Variants in HS6ST2 observed in about 807,000 individuals in gnomAD.
The protein encoded by HS6ST2 is heparan-sulfate 6-O-sulfotransferase 2.
HS6ST2 carries 17 observed loss-of-function variants against 33.0 expected under a neutral mutation model. The observed-to-expected ratio is 0.52, with a 90% CI of 0.35 to 0.77. The LOEUF (loss-of-function observed/expected upper bound fraction) is 0.77. Ranked by LOEUF, HS6ST2 falls within the 30% of genes least tolerant of loss-of-function variation. HS6ST2 has a pLI of 0.01. For synonymous variants in HS6ST2, 248 were observed against 237.1 expected (o/e 1.05, Z -0.42); for missense variants, 519 against 551.7 (o/e 0.94, Z 0.59).
intron 4 of HS6ST2, among the ~76,000 whole-genome samples, chrX:132,629,326 T>C (rs1386412533): frequency 2.7e-5 from 3 of 111,821 alleles, no homozygotes; most frequent in African/African-American, 9.8e-5. Context: ...CTAAAACAGG[T>C]ATGAAAAGGT....
rs867483808 is a variant in HS6ST2, at chrX:132,637,961, A to T, written c.1068-8868T>A. On this transcript the variant is annotated intron_variant, in intron 4 of 4. Coordinates refer to ENST00000370833, the MANE Select transcript of HS6ST2 (RefSeq NM_001394073.1). Reference sequence around the variant, plus strand: ...TAATATTTTATATATAATATATATAAAATATTTTATATATATATATAAAAG... The same window carrying T: ...TAATATTTTATATATAATATATATATAATATTTTATATATATATATAAAAG... 8.2e-4 allele frequency among the ~76,000 whole-genome samples: 51 copies of T among 61,960 alleles called. 1 individual carries two copies. Among genetic ancestry groups the T allele is most frequent in the African/African-American group, 9.3e-4 (16 of 17,283 alleles). The allele number at this position is 61,960 out of a possible 115,157, so 53.8% of individuals were successfully genotyped here. A position where few individuals can be genotyped will look rare whatever the true frequency, so the allele number is the denominator to read the frequency against.
In HS6ST2 at chrX:132,666,809, A is replaced by T. The variant is rs559467731; in HGVS notation, c.1067+2304T>A. ...CTCAAAATAACATAGGGAAATTCTT[A>T]AAAACTGCTCTATATCCTATTGTCA... On this transcript the variant is annotated intron_variant, in intron 4 of 4. Coordinates refer to ENST00000370833, the MANE Select transcript of HS6ST2 (RefSeq NM_001394073.1). Among the ~76,000 whole-genome samples the T allele has an allele frequency of 5.0e-4, 56 of 111,807 alleles. No individual in the cohort carries two copies. In the South Asian group the frequency reaches 0.02, roughly 41 times the overall value.
In HS6ST2 at chrX:132,828,715, C is replaced by T. The variant is rs1442529144; in HGVS notation, c.948-120221G>A. 2.6e-3 allele frequency among the ~76,000 whole-genome samples: 176 copies of T among 67,938 alleles called. 4 individuals are homozygous for T. Among genetic ancestry groups the T allele is most frequent in the African/African-American group, 5.3e-3 (80 of 15,145 alleles). 59.0% of individuals were successfully genotyped at this position (67,938 alleles called of 115,157 possible). A position where few individuals can be genotyped will look rare whatever the true frequency, so the allele number is the denominator to read the frequency against. On this transcript the variant is annotated intron_variant, in intron 2 of 4. Transcript: ENST00000370833. ...ATATACACACACACACACACACACA[C>T]ACACACACACACACACACACACATA...
At chrX:132,812,414 T>TAAC (rs749205902) in intron 2 of HS6ST2, among the ~76,000 whole-genome samples, 3,257 of 78,245 alleles carry the variant, frequency 0.042, 129 homozygotes, top group African/African-American at 0.11. Context: ...CAAATAATAA[T>TAAC]AATAATAATA....
At chrX:132,855,075 G>C (rs2065840082) in intron 2 of HS6ST2, among the ~76,000 whole-genome samples, 1 of 112,226 alleles carries the variant, frequency 8.9e-6, no homozygotes, top group Admixed American at 9.4e-5. Flanking sequence ...TGTGGGAAAA[G>C]TTCAACCCCC....
intron 2 of HS6ST2, among the ~76,000 whole-genome samples, chrX:132,819,970 C>T (rs969267887): frequency 1.8e-5 from 2 of 112,191 alleles, no homozygotes; most frequent in East Asian, 2.8e-4. Flanking sequence ...GTCACGCCAC[C>T]GTATTTCTTC....
chrX:132,883,676 G>A (rs2066211059), intron 2 of HS6ST2, among the ~76,000 whole-genome samples: 1 of 110,949 alleles, frequency 9.0e-6, no homozygotes, highest in Admixed American at 9.7e-5. Flanking sequence ...ACCAGATAAG[G>A]ACATAGGCAT....
chrX:132,637,950 TA>T (rs1164246695), intron 4 of HS6ST2, among the ~76,000 whole-genome samples: 5 of 73,187 alleles, frequency 6.8e-5, no homozygotes, highest in South Asian at 5.5e-4. Flanking sequence ...ATTTTATATA[TA>T]ATATATATAA....
intron 2 of HS6ST2, among the ~76,000 whole-genome samples, chrX:132,891,627 C>T (rs1281480357): frequency 6.3e-5 from 7 of 110,428 alleles, no homozygotes; most frequent in Non-Finnish European, 1.3e-4. Context: ...TGAGTGAGAA[C>T]ATGCGGTGTT....
At chrX:132,702,688 T>C (rs1328380921) in intron 3 of HS6ST2, among the ~76,000 whole-genome samples, 1 of 111,976 alleles carries the variant, frequency 8.9e-6, no homozygotes, top group Non-Finnish European at 1.9e-5. Context: ...CTGATCACTC[T>C]CCAACTGTCT....
intron 2 of HS6ST2, among the ~76,000 whole-genome samples, chrX:132,769,436 C>T (rs779710348): frequency 4.5e-5 from 5 of 111,872 alleles, no homozygotes; most frequent in African/African-American, 9.7e-5. Context: ...CACACATCAC[C>T]GAAATAGACC....
intron 2 of HS6ST2, among the ~76,000 whole-genome samples, chrX:132,805,406 C>CAGGGCTCATGCTTATAGGGACTTATTT (rs1569492973): frequency 9.1e-6 from 1 of 110,487 alleles, no homozygotes; most frequent in Admixed American, 9.6e-5. Context: ...AAGATCTGGC[C>CAGGGCTCATGCTTATAGGGACTTATTT]CAACAGCTCC....
At chrX:132,825,457 T>TG (rs1386963885) in intron 2 of HS6ST2, among the ~76,000 whole-genome samples, 1 of 111,377 alleles carries the variant, frequency 9.0e-6, no homozygotes, top group East Asian at 2.8e-4. Context: ...TCAATAGGGC[T>TG]GGGGGGCGTC....
At chrX:132,889,430 G>T (rs2066284777) in intron 2 of HS6ST2, among the ~76,000 whole-genome samples, 1 of 111,027 alleles carries the variant, frequency 9.0e-6, no homozygotes, top group Admixed American at 9.7e-5. Context: ...AAGGGGGGAA[G>T]TGGCTGAAAG....
intron 3 of HS6ST2, among the ~76,000 whole-genome samples, chrX:132,707,617 A>T (rs2064197353): frequency 1.8e-5 from 2 of 112,056 alleles, no homozygotes; most frequent in Non-Finnish European, 3.8e-5. Flanking sequence ...GTAGGTGGGT[A>T]TTAAGAAAAA....
At chrX:132,742,031 A>T (rs2064585523) in intron 2 of HS6ST2, among the ~76,000 whole-genome samples, 1 of 112,316 alleles carries the variant, frequency 8.9e-6, no homozygotes, top group Admixed American at 9.4e-5. Flanking sequence ...CAGTAGTAAC[A>T]GTATTGTAAA....
At chrX:132,684,889 C>A (rs750592504) in intron 3 of HS6ST2, among the ~76,000 whole-genome samples, 1 of 111,951 alleles carries the variant, frequency 8.9e-6, no homozygotes, top group South Asian at 3.7e-4. Context: ...CCACTATGTG[C>A]AATTCTTTTT....
intron 2 of HS6ST2, among the ~76,000 whole-genome samples, chrX:132,850,417 CGACA>C (rs2065791727): frequency 9.0e-6 from 1 of 110,987 alleles, no homozygotes; most frequent in Admixed American, 9.6e-5. Context: ...GAGTGAAGGC[CGACA>C]GACAGTGCAA....
intron 2 of HS6ST2, among the ~76,000 whole-genome samples, chrX:132,860,475 G>A (rs1237898373): frequency 8.9e-6 from 1 of 112,013 alleles, no homozygotes; most frequent in Non-Finnish European, 1.9e-5. Context: ...CTTGCATAAA[G>A]CAGTGCTTTC....
Sources: allele counts gnomAD v4.1 joint callset (sites outside exome capture counted in the v4.1 genomes callset), GRCh38; gene constraint gnomAD v4.1.1; transcripts MANE v1.5; gene names NCBI Gene and HGNC (gene_info 2026-07-23, HGNC 2026-07-21).